ASTN2: variants seen among roughly 807,000 people sequenced by gnomAD.
ASTN2 encodes astrotactin 2, also known as astrotactin-2.
In ASTN2, 54 loss-of-function variants were observed where a neutral mutation model predicts 139.8. The observed-to-expected ratio is 0.39, with a 90% confidence interval of 0.31 to 0.48. The LOEUF is 0.48. Among genes scored for constraint, ASTN2 ranks in the 20% least tolerant of loss-of-function variants. The pLI, the probability that ASTN2 is intolerant of heterozygous loss-of-function variation, is 0.95. For synonymous variants in ASTN2, 756 were observed against 719.5 expected, an observed-to-expected ratio of 1.05 and a Z score of -0.81; for missense variants, 1,565 against 1,725.1, an observed-to-expected ratio of 0.91 and a Z score of 1.64.
intron 12 of ASTN2, among the ~76,000 whole-genome samples, chr9:116,812,258 G>A (rs915464962): frequency 1.3e-5 from 2 of 152,252 alleles, no homozygotes; most frequent in African/African-American, 4.8e-5. Flanking sequence ...TATCTGACAT[G>A]GCAAAGGAGA....
At chr9:116,557,245 A>G (rs1302272860) in intron 19 of ASTN2, among the ~76,000 whole-genome samples, 26 of 151,194 alleles carry the variant, frequency 1.7e-4, no homozygotes, top group Non-Finnish European at 1.2e-4. Flanking sequence ...AAAAAAAAAA[A>G]AAAAGAAAAG....
rs751106470 is a variant in ASTN2 at position 117,096,164 on chromosome 9, A to G, written c.1169-13T>C. Reference sequence around the variant, plus strand: ...AAGCTGATTCCTCCTGTGAGTAAGCACAGTCTATCAGTTAGTCTCCCAGGC... The same window carrying G: ...AAGCTGATTCCTCCTGTGAGTAAGCGCAGTCTATCAGTTAGTCTCCCAGGC... On this transcript the variant is annotated splice_polypyrimidine_tract_variant and intron_variant, in intron 4 of 22. Coordinates refer to ENST00000313400, the MANE Select transcript of ASTN2 (RefSeq NM_001365068.1). The G allele has an allele frequency of 2.5e-6, 4 of 1,608,836 alleles. No individual in the cohort carries two copies. The South Asian group carries it at 4.4e-5, about 18-fold the overall frequency.
chr9:117,106,319 C>A (rs1282782785), intron 4 of ASTN2, among the ~76,000 whole-genome samples: 1 of 151,968 alleles, frequency 6.6e-6, no homozygotes, highest in Non-Finnish European at 1.5e-5. Context: ...CTCCGCCTCC[C>A]ATTTTCAAGC....
At chr9:116,946,680 C>T (rs1835402899) in intron 10 of ASTN2, among the ~76,000 whole-genome samples, 2 of 151,762 alleles carry the variant, frequency 1.3e-5, no homozygotes, top group African/African-American at 2.4e-5. Flanking sequence ...GAGTGTTTTT[C>T]GTTAAGGTCA....
intron 10 of ASTN2, among the ~76,000 whole-genome samples, chr9:116,893,466 T>C (rs1833811978): frequency 6.6e-6 from 1 of 152,146 alleles, no homozygotes; most frequent in Non-Finnish European, 1.5e-5. Flanking sequence ...CTAGGAGTAA[T>C]TCTGGCTATA....
At chr9:116,673,516 A>C (rs954057821) in intron 16 of ASTN2, among the ~76,000 whole-genome samples, 1 of 152,210 alleles carries the variant, frequency 6.6e-6, no homozygotes, top group Non-Finnish European at 1.5e-5. Flanking sequence ...CCTTATTTGC[A>C]AATGGGGTGA....
chr9:117,283,354 G>T (rs1014224340), intron 2 of ASTN2, among the ~76,000 whole-genome samples: 1 of 152,024 alleles, frequency 6.6e-6, no homozygotes, highest in Non-Finnish European at 1.5e-5. Flanking sequence ...AAGCCACAAG[G>T]TTCATGTGAC....
chr9:116,957,766 C>T (rs1267220857), intron 10 of ASTN2, among the ~76,000 whole-genome samples: 4 of 152,272 alleles, frequency 2.6e-5, no homozygotes, highest in East Asian at 1.9e-4. Flanking sequence ...CTGCAACCTC[C>T]GCCTCCCAGG....
chr9:116,963,795 T>C (rs1030496036), intron 10 of ASTN2, among the ~76,000 whole-genome samples: 6 of 152,164 alleles, frequency 3.9e-5, no homozygotes, highest in Non-Finnish European at 2.9e-5. Flanking sequence ...TCTCACTGGG[T>C]TCAGCCAATG....
intron 1 of ASTN2, among the ~76,000 whole-genome samples, chr9:117,390,400 T>A (rs1203895154): frequency 6.6e-6 from 1 of 152,186 alleles, no homozygotes; most frequent in Non-Finnish European, 1.5e-5. Flanking sequence ...GTAGTGTACA[T>A]TCTATGGGTT....
chr9:116,865,496 G>T (rs951844249), intron 10 of ASTN2, among the ~76,000 whole-genome samples: 2 of 146,870 alleles, frequency 1.4e-5, no homozygotes, highest in Non-Finnish European at 3.0e-5. Flanking sequence ...GAGAGAGACT[G>T]ATCTACAGTG....
intron 18 of ASTN2, among the ~76,000 whole-genome samples, chr9:116,619,965 CTGTTT>C (rs1471826573): frequency 2.0e-5 from 3 of 151,222 alleles, no homozygotes; most frequent in Non-Finnish European, 4.4e-5. Flanking sequence ...TTTTTTTGTT[CTGTTT>C]TGTTTTAAAT....
chr9:117,227,660 A>G (rs1390657872), intron 2 of ASTN2, among the ~76,000 whole-genome samples: 2 of 152,258 alleles, frequency 1.3e-5, no homozygotes, highest in African/African-American at 4.8e-5. Context: ...CATTGCTGTT[A>G]GTTCCCTTTT....
intron 11 of ASTN2, among the ~76,000 whole-genome samples, chr9:116,840,034 T>C (rs1277762885): frequency 2.0e-5 from 3 of 148,280 alleles, no homozygotes; most frequent in Non-Finnish European, 4.4e-5. Flanking sequence ...CCTTCCACAG[T>C]GTTTGTGTCC....
At chr9:116,820,878 G>A in intron 11 of ASTN2, 95 bp from the exon 12 acceptor site, 1 of 1,291,900 alleles carries the variant, frequency 7.7e-7, no homozygotes, top group Non-Finnish European at 1.1e-6. Flanking sequence ...ATGTGTCAGG[G>A]CCTGACAGAA....
At chr9:117,264,753 T>C (rs1175102915) in intron 2 of ASTN2, among the ~76,000 whole-genome samples, 1 of 152,356 alleles carries the variant, frequency 6.6e-6, no homozygotes, top group African/African-American at 2.4e-5. Flanking sequence ...ATACTGGAAG[T>C]GTTAGGCTTA....
intron 1 of ASTN2, among the ~76,000 whole-genome samples, chr9:117,361,959 C>T (rs1350474654): frequency 7.0e-6 from 1 of 143,348 alleles, no homozygotes; most frequent in Non-Finnish European, 1.6e-5. Context: ...CTATCACATG[C>T]TTGGTTTTGT....
At chr9:116,599,216 G>A (rs1854742886) in intron 19 of ASTN2, among the ~76,000 whole-genome samples, 1 of 152,148 alleles carries the variant, frequency 6.6e-6, no homozygotes, top group African/African-American at 2.4e-5. Context: ...GTCTAAAGTT[G>A]CCAGAACTCA....
At position 116,919,537 on chromosome 9, in the gene ASTN2, A is replaced by C. The variant is rs148529719; in HGVS notation, c.1889+55671T>G. ...TCCCTTAACTCCCTGAGTTTCATGG[A>C]CCTATGAATTTTTCATCCTTGCTTC... On this transcript the variant is annotated intron_variant, in intron 10 of 22. Coordinates refer to ENST00000313400, the MANE Select transcript of ASTN2 (RefSeq NM_001365068.1). 2.1e-3 allele frequency among the ~76,000 whole-genome samples: 317 copies of C among 151,670 alleles called. 1 individual carries two copies. The highest frequency in any genetic ancestry group is 7.4e-3 in the African/African-American group (307 of 41,300).
Sources: gnomAD v4.1 joint callset for allele counts (sites outside exome capture counted in the v4.1 genomes callset) on GRCh38, gnomAD v4.1.1 for gene constraint, MANE v1.5 for transcripts, NCBI Gene and HGNC (gene_info 2026-07-23, HGNC 2026-07-21) for gene names.